The following CALN1 variants were observed in gnomAD, a reference collection of about 807,000 sequenced individuals.
The protein encoded by CALN1 is calneuron 1, also known as calcium-binding protein 8.
In CALN1, 17 loss-of-function variants were observed where a neutral mutation model predicts 30.6. The ratio of observed to expected loss-of-function variants is 0.56; its 90% CI spans 0.38 to 0.83. CALN1 has a LOEUF of 0.83. Ranked by LOEUF, CALN1 falls within the 40% of genes least tolerant of loss-of-function variation. CALN1 has a pLI of 0.00. For synonymous variants in CALN1, 156 were observed against 131.4 expected (o/e 1.19, Z -1.28); for missense variants, 291 against 354.9 (o/e 0.82, Z 1.45).
At chr7:71,978,028 T>C (rs1302439881) in intron 5 of CALN1, among the ~76,000 whole-genome samples, 1 of 151,586 alleles carries the variant, frequency 6.6e-6, no homozygotes, top group East Asian at 1.9e-4. Context: ...ACACACATCT[T>C]AGCAGCTGCC....
intron 4 of CALN1, among the ~76,000 whole-genome samples, chr7:72,049,871 G>A (rs1802725652): frequency 6.8e-6 from 1 of 146,308 alleles, no homozygotes; most frequent in Non-Finnish European, 1.5e-5. Context: ...GTGCAGTGGT[G>A]CAATCTCGGC....
intron 5 of CALN1, among the ~76,000 whole-genome samples, chr7:71,892,411 C>T (rs549304949): frequency 1.4e-4 from 21 of 152,044 alleles, no homozygotes; most frequent in Admixed American, 5.2e-4. Context: ...CCGAGGTGGG[C>T]GGATTACTTG....
At chr7:72,274,690 G>A (rs558892648) in intron 3 of CALN1, among the ~76,000 whole-genome samples, 5 of 152,208 alleles carry the variant, frequency 3.3e-5, no homozygotes, top group African/African-American at 9.6e-5. Context: ...TCCTTGGAAA[G>A]AGGCAATGAA....
At chr7:71,788,855 TCAC>T (rs1334075886) in intron 6 of CALN1, among the ~76,000 whole-genome samples, 1 of 151,964 alleles carries the variant, frequency 6.6e-6, no homozygotes. Context: ...AGATGGGGTT[TCAC>T]CACGTTAGCC....
intron 3 of CALN1, among the ~76,000 whole-genome samples, chr7:72,165,522 A>C (rs920896567): frequency 3.9e-5 from 6 of 151,950 alleles, no homozygotes; most frequent in African/African-American, 1.5e-4. Flanking sequence ...CAGGACGCAG[A>C]GTATGCAGCA....
chr7:72,353,828 TAAC>T lies in CALN1; in HGVS notation c.119+49420_119+49422del, dbSNP rs987446987. Among the ~76,000 whole-genome samples the T allele has an allele frequency of 9.9e-5, 15 of 152,272 alleles. 1 individual carries two copies. Among genetic ancestry groups the T allele is most frequent in the East Asian group, 1.9e-4 (1 of 5,180 alleles). ...AAGGGTATTTGAATGAAAGTGACCT[TAAC>T]AAGGTCACAGAATACAAGGTCAATG... On this transcript the variant is annotated intron_variant, in intron 2 of 6. Coordinates refer to ENST00000395275, the MANE Select transcript of CALN1 (RefSeq NM_031468.4).
At position 72,080,670 on chromosome 7, in the gene CALN1, G is replaced by A. The variant is rs556879498; in HGVS notation, c.388+25481C>T. ...AATGAGGAAGTGCCTGCTGAACAAG[G>A]TGTGCTAGGAGGGGTGGGTTTCCAC... is the stretch of plus-strand genomic sequence containing the variant. On this transcript the variant is annotated intron_variant, in intron 4 of 6. Coordinates refer to ENST00000395275, the MANE Select transcript of CALN1 (RefSeq NM_031468.4). Among the ~76,000 whole-genome samples, 7 of 152,248 alleles carry A rather than the reference G, an allele frequency of 4.6e-5. No individual in the cohort carries two copies. In the South Asian group the frequency reaches 1.5e-3, roughly 32 times the overall value.
intron 3 of CALN1, among the ~76,000 whole-genome samples, chr7:72,232,194 C>T (rs901584164): frequency 1.3e-5 from 2 of 152,264 alleles, no homozygotes; most frequent in Non-Finnish European, 2.9e-5. Context: ...GCATCAGCTC[C>T]GGCAAGGGGT....
At chr7:72,215,662 C>T (rs1001168633) in intron 3 of CALN1, among the ~76,000 whole-genome samples, 4 of 151,862 alleles carry the variant, frequency 2.6e-5, no homozygotes, top group African/African-American at 4.8e-5. Context: ...ATTTCAATCC[C>T]GTAATACTGC....
intron 2 of CALN1, among the ~76,000 whole-genome samples, chr7:72,375,145 T>C (rs1167948167): frequency 1.3e-5 from 2 of 152,212 alleles, no homozygotes; most frequent in Non-Finnish European, 1.5e-5. Flanking sequence ...TAAACACGCA[T>C]TGTCTTGTAG....
chr7:71,927,868 G>C (rs995636038), intron 5 of CALN1, among the ~76,000 whole-genome samples: 2 of 152,090 alleles, frequency 1.3e-5, no homozygotes, highest in African/African-American at 4.8e-5. Flanking sequence ...CTTGTGAACG[G>C]GAGAGTTTCT....
At chr7:72,033,150 G>A (rs533488051) in intron 4 of CALN1, among the ~76,000 whole-genome samples, 3 of 115,410 alleles carry the variant, frequency 2.6e-5, no homozygotes, top group East Asian at 4.1e-4. Context: ...ACTGTGTCTC[G>A]TGGTTTCCCC....
intron 2 of CALN1, among the ~76,000 whole-genome samples, chr7:72,336,540 C>G (rs1450625192): frequency 1.3e-5 from 2 of 152,110 alleles, no homozygotes; most frequent in Non-Finnish European, 2.9e-5. Context: ...AGTGTCGGAG[C>G]CAACAGGTAC....
chr7:72,292,368 A>G (rs891229463), intron 2 of CALN1, among the ~76,000 whole-genome samples: 3 of 151,326 alleles, frequency 2.0e-5, no homozygotes, highest in Admixed American at 2.0e-4. Context: ...GTCCCCTTAT[A>G]AGAGGACATT....
chr7:71,902,642 T>TC (rs772703993), intron 5 of CALN1, among the ~76,000 whole-genome samples: 1 of 152,220 alleles, frequency 6.6e-6, no homozygotes, highest in Non-Finnish European at 1.5e-5. Context: ...ACTGGGTATC[T>TC]ACCCGAAGGA....
At chr7:72,140,395 G>A (rs1430917100) in intron 3 of CALN1, among the ~76,000 whole-genome samples, 4 of 148,844 alleles carry the variant, frequency 2.7e-5, no homozygotes, top group Non-Finnish European at 3.0e-5. Flanking sequence ...TGGAAGAAGC[G>A]AATGAAGGAA....
chr7:71,903,141 A>G (rs1349444755), intron 5 of CALN1, among the ~76,000 whole-genome samples: 1 of 152,104 alleles, frequency 6.6e-6, no homozygotes, highest in African/African-American at 2.4e-5. Context: ...CTTCACCACT[A>G]TACAATAAAA....
intron 1 of CALN1, among the ~76,000 whole-genome samples, chr7:72,408,270 T>TTAA (rs1554403063): frequency 2.3e-5 from 3 of 129,448 alleles, no homozygotes; most frequent in African/African-American, 8.8e-5. Context: ...CCATCTCTAT[T>TTAA]AAAAAAAAAA....
chr7:71,811,254 CTGGAGT>C (rs1403590148), intron 5 of CALN1, among the ~76,000 whole-genome samples: 2 of 152,100 alleles, frequency 1.3e-5, no homozygotes, highest in East Asian at 3.9e-4. Context: ...ATCATCCAGG[CTGGAGT>C]CCAGTGGTGT....
Sources: allele counts gnomAD v4.1 joint callset (sites outside exome capture counted in the v4.1 genomes callset), GRCh38; gene constraint gnomAD v4.1.1; transcripts MANE v1.5; gene names NCBI Gene and HGNC (gene_info 2026-07-23, HGNC 2026-07-21).